The following MINPP1 variants were observed in gnomAD, a reference collection of about 807,000 sequenced individuals.
MINPP1 encodes multiple inositol-polyphosphate phosphatase 1.
In MINPP1, 28 loss-of-function variants were observed where a neutral mutation model predicts 46.1. The observed-to-expected ratio is 0.61, with a 90% CI of 0.45 to 0.83. The LOEUF (loss-of-function observed/expected upper bound fraction) is 0.83. MINPP1 is among the 40% of genes least tolerant of loss of function. The pLI is 0.00. For missense variants in MINPP1, 603 were observed against 610.0 expected, an observed-to-expected ratio of 0.99 and a Z score of 0.12; for synonymous variants, 268 against 249.1, an observed-to-expected ratio of 1.08 and a Z score of -0.72.
chr10:87,513,866 TCAATAGAGCCGTATA>T (rs1027281866), intron 3 of MINPP1, among the ~76,000 whole-genome samples: 39 of 152,304 alleles, frequency 2.6e-4, no homozygotes, highest in African/African-American at 8.7e-4. Flanking sequence ...AATCAAGGTA[TCAATAGAGCCGTATA>T]CAATAGAGCC....
chr10:87,535,003 C>T (rs1170945906), intron 4 of MINPP1, among the ~76,000 whole-genome samples: 1 of 152,144 alleles, frequency 6.6e-6, no homozygotes, highest in African/African-American at 2.4e-5. Flanking sequence ...GAAGTTATAC[C>T]CGCTACATCC....
Position 87,504,984 on chromosome 10 carries a change from G to T in MINPP1, c.69G>T (p.Leu23=). 2 of 1,612,436 alleles carry T rather than the reference G, an allele frequency of 1.2e-6. No individual in the cohort carries two copies. The highest frequency in any genetic ancestry group is 1.7e-6 in the Non-Finnish European group (2 of 1,179,714). Residue 23 remains leucine, a synonymous_variant, in exon 1 of 5, where the codon CTG becomes CTT. Coordinates refer to ENST00000371996, the MANE Select transcript of MINPP1 (RefSeq NM_004897.5). ...CTGCCGCGGCCCTGGCTGCGGCGCT[G>T]CTCTCGTCGCTTGCGCGCTGCTCTC... ...VAPAAALAAA[L]LSSLARCSLL...
At chr10:87,526,312 T>C (rs550661131) in intron 4 of MINPP1, among the ~76,000 whole-genome samples, 2,060 of 152,348 alleles carry the variant, frequency 0.014, 55 homozygotes, top group African/African-American at 0.048. Context: ...TGATGAGCAT[T>C]TTTTCATGTG....
chr10:87,541,993 T>C (rs1243253174), intron 4 of MINPP1, among the ~76,000 whole-genome samples: 2 of 152,076 alleles, frequency 1.3e-5, no homozygotes, highest in South Asian at 2.1e-4. Flanking sequence ...GCCCCCTAAA[T>C]CTCATATCCC....
chr10:87,514,656 A>G (rs1589371293), intron 3 of MINPP1, among the ~76,000 whole-genome samples: 2 of 152,292 alleles, frequency 1.3e-5, no homozygotes, highest in South Asian at 4.1e-4. Flanking sequence ...TACGTAAGTG[A>G]TATATCCTTC....
intron 4 of MINPP1, among the ~76,000 whole-genome samples, chr10:87,540,816 A>G (rs1202471182): frequency 1.3e-5 from 2 of 152,250 alleles, no homozygotes; most frequent in African/African-American, 2.4e-5. Flanking sequence ...GGCAAAGAGC[A>G]GCATGTTCAT....
Position 87,522,067 on chromosome 10 carries a change from A to T in MINPP1, c.1067+898A>T, listed in dbSNP as rs147532299. 3.4e-3 allele frequency among the ~76,000 whole-genome samples: 521 copies of T among 152,340 alleles called. 2 individuals carry two copies. The highest frequency in any genetic ancestry group is 6.1e-3 in the Non-Finnish European group (413 of 68,030). The stretch of plus-strand genomic sequence containing the variant: ...CACAGACAGCTGTATACATTTGTTA[A>T]GATATCTAACTCTTTAATTAAAACT... On this transcript the variant is annotated intron_variant, in intron 4 of 4. Transcript: ENST00000371996.
At chr10:87,512,748 T>G (rs556514812) in intron 2 of MINPP1, among the ~76,000 whole-genome samples, 1 of 152,192 alleles carries the variant, frequency 6.6e-6, no homozygotes, top group East Asian at 1.9e-4. Flanking sequence ...GCAGGAGGAT[T>G]GCTTGAGCCC....
intron 2 of MINPP1, among the ~76,000 whole-genome samples, chr10:87,511,535 G>T (rs1358014077): frequency 6.6e-6 from 1 of 152,038 alleles, no homozygotes. Context: ...AAATCAGAAG[G>T]GTCATAACAG....
Position 87,552,331 on chromosome 10 carries a change from T to C in MINPP1, c.1317T>C (p.Asn439=), listed in dbSNP as rs1851976888. Reference sequence around the variant, plus strand: ...AATTCCGAGTGCAGATGTTATTAAATGAAAAGGTGTTACCTTTGGCTTACT... The same window carrying C: ...AATTCCGAGTGCAGATGTTATTAAACGAAAAGGTGTTACCTTTGGCTTACT... ...KEQFRVQMLL[N]EKVLPLAYSQ... is the part of the protein sequence containing the mutation. The change falls in exon 5 of 5, where the codon AAT becomes AAC. Residue 439 remains asparagine, a synonymous_variant. Coordinates refer to ENST00000371996, the MANE Select transcript of MINPP1 (RefSeq NM_004897.5). The C allele has an allele frequency of 6.2e-7, 1 of 1,613,688 alleles. No individual in the cohort carries two copies. Among genetic ancestry groups the C allele is most frequent in the East Asian group, 2.2e-5 (1 of 44,880 alleles).
At chr10:87,511,705 G>GT (rs1403505720) in intron 2 of MINPP1, among the ~76,000 whole-genome samples, 3 of 151,954 alleles carry the variant, frequency 2.0e-5, no homozygotes, top group African/African-American at 7.3e-5. Flanking sequence ...ACTCTGAAGA[G>GT]TTTTTTGGTG....
intron 3 of MINPP1, among the ~76,000 whole-genome samples, chr10:87,519,969 G>A (rs970529234): frequency 6.6e-6 from 1 of 151,806 alleles, no homozygotes; most frequent in Admixed American, 6.6e-5. Context: ...TTCAGCAGAG[G>A]TTAATAACTG....
At position 87,552,680 on chromosome 10, in the gene MINPP1, A is replaced by G; in HGVS notation, c.*202A>G. On this transcript the variant is annotated 3_prime_UTR_variant, in exon 5 of 5. Coordinates refer to ENST00000371996, the MANE Select transcript of MINPP1 (RefSeq NM_004897.5). ...TTTCACTGGAGCAGCTCTCTTAAGGAGAAACAAATCTATTTAGAGAAACAG... is the reference window on the plus strand; with the variant it reads ...TTTCACTGGAGCAGCTCTCTTAAGGGGAAACAAATCTATTTAGAGAAACAG... 1 of 563,720 alleles carries G rather than the reference A, an allele frequency of 1.8e-6. No individual in the cohort carries two copies. Among genetic ancestry groups the G allele is most frequent in the Non-Finnish European group, 3.1e-6 (1 of 322,200 alleles). The allele number at this position is 563,720 out of a possible 1,614,324, so 34.9% of individuals were successfully genotyped here. A position where few individuals can be genotyped will look rare whatever the true frequency, so the allele number is the denominator to read the frequency against.
chr10:87,513,266 T>G (rs1461709782), intron 3 of MINPP1, 45 bp downstream of exon 3: 2 of 1,476,676 alleles, frequency 1.4e-6, no homozygotes, highest in East Asian at 2.3e-5. Flanking sequence ...AAAAAAATTT[T>G]TTTTGGCTTG....
At chr10:87,545,980 C>T (rs1333295885) in intron 4 of MINPP1, among the ~76,000 whole-genome samples, 3 of 152,144 alleles carry the variant, frequency 2.0e-5, no homozygotes, top group Non-Finnish European at 1.5e-5. Flanking sequence ...GATTCAGCCC[C>T]GGAGGCCACA....
chr10:87,508,025 A>C (rs1209932880), intron 1 of MINPP1: 2 of 1,406,600 alleles, frequency 1.4e-6, no homozygotes, highest in African/African-American at 2.9e-5. Context: ...TTTGCTTTCT[A>C]AAGTTTTCCG....
chr10:87,527,514 A>G (rs1318745468), intron 4 of MINPP1, among the ~76,000 whole-genome samples: 1 of 152,208 alleles, frequency 6.6e-6, no homozygotes, highest in Non-Finnish European at 1.5e-5. Context: ...CCTTTTCTGC[A>G]TCTATTGAGA....
Position 87,505,691 on chromosome 10 carries a change from A to G in MINPP1, c.637+139A>G, listed in dbSNP as rs554103803. On this transcript the variant is annotated intron_variant, in intron 1 of 4. Coordinates refer to ENST00000371996, the MANE Select transcript of MINPP1 (RefSeq NM_004897.5). This position sits in a 1 kb window ranked among gnomAD's most constrained non-coding sequence, Gnocchi z 4.4. ...TTCCCAAGCCATCATCCCTCGGGCT[A>G]CGTCCTCCCTGTCGAGGGATATTAC... 16 of 766,226 alleles carry G rather than the reference A, an allele frequency of 2.1e-5. No homozygotes were observed. The South Asian group carries it at 2.7e-4, about 13-fold the overall frequency. The allele number at this position is 766,226 out of a possible 1,614,324, so 47.5% of individuals were successfully genotyped here.
intron 3 of MINPP1, among the ~76,000 whole-genome samples, chr10:87,519,342 C>G (rs1851461060): frequency 6.6e-6 from 1 of 152,196 alleles, no homozygotes. Context: ...TCAATCCTGT[C>G]AGGTTCCAAA....
Sources: gnomAD v4.1 joint callset for allele counts (sites outside exome capture counted in the v4.1 genomes callset) on GRCh38, gnomAD v4.1.1 for gene constraint, Gnocchi (gnomAD v3.1) non-coding constraint, MANE v1.5 for transcripts, NCBI Gene and HGNC (gene_info 2026-07-23, HGNC 2026-07-21) for gene names.